Variants in MED12L observed in about 807,000 individuals in gnomAD.
MED12L encodes the protein mediator of RNA polymerase II transcription subunit 12-like protein.
A neutral mutation model predicts 281.3 loss-of-function variants in MED12L; 60 were observed. The ratio of observed to expected loss-of-function variants is 0.21; its 90% confidence interval spans 0.17 to 0.26. The LOEUF (loss-of-function observed/expected upper bound fraction) is 0.26. Ranked by LOEUF, MED12L falls within the 10% of genes least tolerant of loss-of-function variation. The pLI is 1.00. For missense variants in MED12L, 2,146 were observed against 2,680.9 expected (o/e 0.80, Z 4.41); for synonymous variants, 974 against 987.2 (o/e 0.99, Z 0.25).
chr3:151,356,491 T>A (rs1354781485), intron 19 of MED12L, among the ~76,000 whole-genome samples: 1 of 152,232 alleles, frequency 6.6e-6, no homozygotes, highest in Non-Finnish European at 1.5e-5. Context: ...TTGAATAATT[T>A]AGACATTGTG....
intron 16 of MED12L, among the ~76,000 whole-genome samples, chr3:151,254,160 G>A (rs539097651): frequency 1.3e-5 from 2 of 151,924 alleles, no homozygotes; most frequent in South Asian, 4.2e-4. Flanking sequence ...CTATTTTTAG[G>A]TATTAGTGCC....
At chr3:151,252,355 A>G (rs1276301557) in intron 16 of MED12L, among the ~76,000 whole-genome samples, 9 of 152,234 alleles carry the variant, frequency 5.9e-5, no homozygotes, top group African/African-American at 1.2e-4. Flanking sequence ...CCTATTGCTC[A>G]TGGTCATCGC....
At position 151,338,431 on chromosome 3, in the gene MED12L, A is replaced by G. The variant is rs571520048; in HGVS notation, c.2251-11628A>G. 3.7e-5 allele frequency: 60 copies of G among 1,613,384 alleles called. No homozygotes were observed. In the Middle Eastern group the frequency reaches 6.6e-4, roughly 18 times the overall value. On this transcript the variant is annotated intron_variant, in intron 16 of 44. Coordinates refer to ENST00000687756, the MANE Select transcript of MED12L (RefSeq NM_001393769.1). ...ACAACAGAGAGAATCTTAGCCCCCAAGAGATTTTTGGGGTTGGATGTTTTA... is the reference window on the plus strand; with the variant it reads ...ACAACAGAGAGAATCTTAGCCCCCAGGAGATTTTTGGGGTTGGATGTTTTA...
intron 16 of MED12L, among the ~76,000 whole-genome samples, chr3:151,246,807 A>G (rs1020260493): frequency 6.6e-6 from 1 of 152,246 alleles, no homozygotes; most frequent in Non-Finnish European, 1.5e-5. Context: ...GCACAGCAAA[A>G]GATACTACCA....
At chr3:151,216,631 T>A (rs1160602360) in intron 16 of MED12L, among the ~76,000 whole-genome samples, 1 of 152,190 alleles carries the variant, frequency 6.6e-6, no homozygotes, top group Non-Finnish European at 1.5e-5. Context: ...CCCAAATCAC[T>A]TCCTCCACAA....
At chr3:151,087,260 G>A (rs1390814766) in intron 2 of MED12L, among the ~76,000 whole-genome samples, 1 of 152,226 alleles carries the variant, frequency 6.6e-6, no homozygotes, top group Non-Finnish European at 1.5e-5. Flanking sequence ...TCGCTTTCCC[G>A]TTGCCGGGCC....
chr3:151,207,306 T>C (rs1307337991), intron 16 of MED12L, among the ~76,000 whole-genome samples: 1 of 152,170 alleles, frequency 6.6e-6, no homozygotes, highest in Non-Finnish European at 1.5e-5. Context: ...TGAGCTCTTA[T>C]CCTGGAGAAT....
At chr3:151,182,973 A>G (rs1185809039) in intron 11 of MED12L, among the ~76,000 whole-genome samples, 1 of 152,214 alleles carries the variant, frequency 6.6e-6, no homozygotes, top group African/African-American at 2.4e-5. Flanking sequence ...TGCCTAGCAC[A>G]TAGTTGTGTA....
chr3:151,257,973 A>T (rs1738144164), intron 16 of MED12L, among the ~76,000 whole-genome samples: 1 of 152,180 alleles, frequency 6.6e-6, no homozygotes, highest in African/African-American at 2.4e-5. Context: ...AATAGATAAC[A>T]TAAGAAACAA....
intron 16 of MED12L, among the ~76,000 whole-genome samples, chr3:151,250,426 A>G (rs1736613183): frequency 6.6e-6 from 1 of 152,192 alleles, no homozygotes; most frequent in African/African-American, 2.4e-5. Context: ...CCATTAAATA[A>G]TAATTCTCCA....
chr3:151,193,965 CTTT>C (rs34461662), intron 16 of MED12L, among the ~76,000 whole-genome samples: 1 of 123,508 alleles, frequency 8.1e-6, no homozygotes. Flanking sequence ...TTTTTCTTTT[CTTT>C]TTTTTTTTTT....
chr3:151,292,946 G>T (rs1744465689), intron 16 of MED12L, among the ~76,000 whole-genome samples: 1 of 152,172 alleles, frequency 6.6e-6, no homozygotes, highest in Non-Finnish European at 1.5e-5. Context: ...TGGGGGCGGT[G>T]ATAGCTATGC....
chr3:151,193,691 A>G lies in MED12L; in HGVS notation c.2250+25A>G, dbSNP rs370245434. 1.0e-4 allele frequency: 163 copies of G among 1,559,342 alleles called. 1 individual carries two copies. The highest frequency in any genetic ancestry group is 1.3e-4 in the Non-Finnish European group (152 of 1,135,492). ...GGTAAGTCATTGCTTCAGTTAATCT[A>G]TACCCTGATTATTTTATTATAAGAT... On this transcript the variant is annotated intron_variant, in intron 16 of 44. Coordinates refer to ENST00000687756, the MANE Select transcript of MED12L (RefSeq NM_001393769.1).
chr3:151,425,815 A>C, intron 43 of MED12L: 2 of 447,532 alleles, frequency 4.5e-6, no homozygotes, highest in South Asian at 1.6e-5. Context: ...TAAGGATACA[A>C]AAGCAGTGAT....
chr3:151,251,314 C>G (rs1310305782), intron 16 of MED12L, among the ~76,000 whole-genome samples: 3 of 152,152 alleles, frequency 2.0e-5, no homozygotes, highest in Non-Finnish European at 4.4e-5. Context: ...CTACCCATTA[C>G]CCAAGCTGTC....
intron 26 of MED12L, among the ~76,000 whole-genome samples, chr3:151,370,310 T>C (rs17204459): frequency 0.11 from 16,989 of 152,278 alleles, 1,291 homozygotes; most frequent in Middle Eastern, 0.18. Context: ...TTGACTCTTA[T>C]GTTCAGAAGT....
At chr3:151,424,061 T>G (rs901183604) in intron 43 of MED12L, among the ~76,000 whole-genome samples, 2 of 152,238 alleles carry the variant, frequency 1.3e-5, no homozygotes, top group Non-Finnish European at 2.9e-5. Flanking sequence ...GAAATTGAGA[T>G]ATTTTTTCAG....
At chr3:151,208,500 G>C (rs1182656490) in intron 16 of MED12L, among the ~76,000 whole-genome samples, 1 of 152,106 alleles carries the variant, frequency 6.6e-6, no homozygotes, top group African/African-American at 2.4e-5. Flanking sequence ...TGGCAAACAT[G>C]GTAAAACCCC....
chr3:151,351,105 A>G (rs1404639381), intron 17 of MED12L, among the ~76,000 whole-genome samples: 1 of 152,194 alleles, frequency 6.6e-6, no homozygotes, highest in Non-Finnish European at 1.5e-5. Context: ...ACTGTTCTGT[A>G]GTACATATAC....
Sources: gnomAD v4.1 joint callset for allele counts (sites outside exome capture counted in the v4.1 genomes callset) on GRCh38, gnomAD v4.1.1 for gene constraint, MANE v1.5 for transcripts, NCBI Gene and HGNC (gene_info 2026-07-23, HGNC 2026-07-21) for gene names.